The following KLHL4 variants were observed in gnomAD, a reference collection of about 807,000 sequenced individuals.
KLHL4 encodes kelch-like protein 4.
In KLHL4, 17 loss-of-function variants were observed where a neutral mutation model predicts 45.8. The ratio of observed to expected loss-of-function variants is 0.37; its 90% CI spans 0.25 to 0.56. KLHL4 has a LOEUF of 0.56. Among genes scored for constraint, KLHL4 ranks in the 20% least tolerant of loss-of-function variants. The probability of loss-of-function intolerance (pLI) is 0.79; values close to 1 mark genes in which losing one functional copy is unlikely to be tolerated. For synonymous variants in KLHL4, 224 were observed against 189.9 expected, an observed-to-expected ratio of 1.18 and a Z score of -1.47; for missense variants, 544 against 544.9, an observed-to-expected ratio of 1.00 and a Z score of 0.02.
At chrX:87,523,689 G>A (rs1045584834) in intron 1 of KLHL4, among the ~76,000 whole-genome samples, 8 of 111,827 alleles carry the variant, frequency 7.2e-5, no homozygotes, top group South Asian at 3.7e-4. Context: ...AAGGCCGGCC[G>A]TGGTGGCGCA....
chrX:87,600,479 T>C (rs1921982682), intron 1 of KLHL4, among the ~76,000 whole-genome samples: 1 of 54,267 alleles, frequency 1.8e-5, no homozygotes, highest in African/African-American at 9.2e-5. Context: ...CGAGACTTCG[T>C]CTCACAAAAA....
chrX:87,528,305 C>T (rs998531962), intron 1 of KLHL4, among the ~76,000 whole-genome samples: 1 of 111,193 alleles, frequency 9.0e-6, no homozygotes, highest in Non-Finnish European at 1.9e-5. Flanking sequence ...GAAAGTATTT[C>T]TGAACTCAAA....
rs1185972990 is a variant in KLHL4, at chrX:87,546,477, G to GC, written c.422+28163dup. On this transcript the variant is annotated intron_variant, in intron 1 of 10. Transcript: ENST00000373119. ...TGTATGGAAACACCTGGATGTTCAGGCAGAGGGCTGCTGCAGGGAGAAAGC... is the reference window on the plus strand; with the variant it reads ...TGTATGGAAACACCTGGATGTTCAGGCCAGAGGGCTGCTGCAGGGAGAAAGC... 4.4e-5 allele frequency among the ~76,000 whole-genome samples: 5 copies of GC among 112,398 alleles called. No homozygotes were observed. In the East Asian group the frequency reaches 1.4e-3, roughly 32 times the overall value.
intron 1 of KLHL4, among the ~76,000 whole-genome samples, chrX:87,562,842 C>T (rs1210309142): frequency 9.0e-6 from 1 of 111,655 alleles, no homozygotes; most frequent in Non-Finnish European, 1.9e-5. Context: ...TAGTTGTGAA[C>T]CAACATAGTC....
intron 4 of KLHL4, among the ~76,000 whole-genome samples, chrX:87,620,703 G>A (rs745720258): frequency 2.7e-5 from 3 of 112,169 alleles, no homozygotes; most frequent in South Asian, 3.6e-4. Flanking sequence ...CAAACAAAAC[G>A]CAGTAAGCAT....
intron 1 of KLHL4, among the ~76,000 whole-genome samples, chrX:87,601,019 C>G (rs1302031813): frequency 9.0e-6 from 1 of 111,558 alleles, no homozygotes; most frequent in African/African-American, 3.3e-5. Flanking sequence ...CTCCATAATA[C>G]TAGGGAATGT....
chrX:87,644,250 A>G (rs922808291), intron 9 of KLHL4, among the ~76,000 whole-genome samples: 2 of 111,838 alleles, frequency 1.8e-5, no homozygotes, highest in Non-Finnish European at 3.8e-5. Context: ...TCTTCTATAC[A>G]CCAACAGCAA....
At chrX:87,596,314 TATATAATG>T (rs1921839550) in intron 1 of KLHL4, among the ~76,000 whole-genome samples, 1 of 112,379 alleles carries the variant, frequency 8.9e-6, no homozygotes, top group Non-Finnish European at 1.9e-5. Flanking sequence ...TCCATGTTCA[TATATAATG>T]CTGTAAAACT....
chrX:87,619,258 G>A (rs762863938), intron 4 of KLHL4, among the ~76,000 whole-genome samples: 1 of 111,674 alleles, frequency 9.0e-6, no homozygotes, highest in African/African-American at 3.2e-5. Flanking sequence ...TTAGAATAGA[G>A]ATGCATATAA....
intron 1 of KLHL4, among the ~76,000 whole-genome samples, chrX:87,535,097 C>T (rs772246028): frequency 8.9e-6 from 1 of 111,821 alleles, no homozygotes; most frequent in African/African-American, 3.2e-5. Flanking sequence ...TAGTACATAT[C>T]TGAGGATGAA....
Position 87,567,357 on chromosome X carries a change from T to G in KLHL4, c.423-46520T>G, listed in dbSNP as rs1181030324. On this transcript the variant is annotated intron_variant, in intron 1 of 10. Coordinates refer to ENST00000373119, the MANE Select transcript of KLHL4 (RefSeq NM_019117.5). Reference sequence around the variant, plus strand: ...GGGGAAACTGGAACTCTTGTACATTTCTGGTGAGTATATAAAGTATGTAAA... The same window carrying G: ...GGGGAAACTGGAACTCTTGTACATTGCTGGTGAGTATATAAAGTATGTAAA... Among the ~76,000 whole-genome samples, 4 of 111,863 alleles carry G rather than the reference T, an allele frequency of 3.6e-5. 1 individual carries two copies.
intron 9 of KLHL4, among the ~76,000 whole-genome samples, chrX:87,659,662 T>C (rs187241768): frequency 8.0e-5 from 9 of 112,186 alleles, no homozygotes; most frequent in African/African-American, 2.9e-4. Flanking sequence ...TATTGTCTTG[T>C]AAGTAAGATC....
intron 9 of KLHL4, among the ~76,000 whole-genome samples, chrX:87,657,419 G>A (rs1024724352): frequency 8.9e-6 from 1 of 111,859 alleles, no homozygotes; most frequent in Non-Finnish European, 1.9e-5. Context: ...TGATGTAGGC[G>A]CTGTATAATT....
chrX:87,552,696 TA>T (rs1931859425), intron 1 of KLHL4, among the ~76,000 whole-genome samples: 1 of 27,825 alleles, frequency 3.6e-5, no homozygotes, highest in Non-Finnish European at 5.4e-5. Flanking sequence ...TGTTAAATTA[TA>T]TATATATATA....
intron 3 of KLHL4, among the ~76,000 whole-genome samples, chrX:87,616,671 T>G (rs917741753): frequency 9.0e-6 from 1 of 111,678 alleles, no homozygotes; most frequent in African/African-American, 3.2e-5. Flanking sequence ...TCGAAGACAT[T>G]TATAACTATT....
chrX:87,543,305 G>A (rs1357451018), intron 1 of KLHL4, among the ~76,000 whole-genome samples: 1 of 111,293 alleles, frequency 9.0e-6, no homozygotes, highest in Non-Finnish European at 1.9e-5. Flanking sequence ...AGAGCAAGAT[G>A]GTGGAATGGA....
At chrX:87,577,953 C>T (rs905734690) in intron 1 of KLHL4, among the ~76,000 whole-genome samples, 10 of 111,410 alleles carry the variant, frequency 9.0e-5, no homozygotes, top group African/African-American at 2.9e-4. Context: ...ATTGATATTA[C>T]TTTGCTAATA....
intron 1 of KLHL4, among the ~76,000 whole-genome samples, chrX:87,588,618 C>T (rs932464446): frequency 1.8e-5 from 2 of 111,011 alleles, no homozygotes; most frequent in East Asian, 2.8e-4. Context: ...ACTAGACCCT[C>T]ATATCTCACC....
intron 9 of KLHL4, among the ~76,000 whole-genome samples, chrX:87,656,545 T>C (rs1405476471): frequency 1.8e-5 from 2 of 109,265 alleles, no homozygotes; most frequent in Non-Finnish European, 3.8e-5. Flanking sequence ...TTTTTTTTCT[T>C]TTTTTAAAAA....
Sources: gnomAD v4.1 joint callset for allele counts (sites outside exome capture counted in the v4.1 genomes callset) on GRCh38, gnomAD v4.1.1 for gene constraint, MANE v1.5 for transcripts, NCBI Gene and HGNC (gene_info 2026-07-23, HGNC 2026-07-21) for gene names.